ZNF837: variants seen among roughly 807,000 people sequenced by gnomAD.
ZNF837 encodes the protein zinc finger protein 837.
For synonymous variants in ZNF837, 475 were observed against 365.2 expected, an observed-to-expected ratio of 1.30 and a Z score of -3.43; for missense variants, 955 against 801.7, an observed-to-expected ratio of 1.19 and a Z score of -2.31.
intron 1 of ZNF837, among the ~76,000 whole-genome samples, chr19:58,370,359 G>A (rs2052188703): frequency 6.6e-6 from 1 of 152,080 alleles, no homozygotes; most frequent in South Asian, 2.1e-4. Context: ...TGACCCTTCT[G>A]CCTCTTGTGA....
In ZNF837 at chr19:58,369,062, G is replaced by T; in HGVS notation, c.271C>A (p.Pro91Thr). The T allele has an allele frequency of 6.6e-7, 1 of 1,519,370 alleles. No individual in the cohort carries two copies. 94.1% of individuals were successfully genotyped at this position (1,519,370 alleles called of 1,614,324 possible). ...TTCTGAGAAGAGGTGGGGCCGCACGGCTCCCGCACGAGGGGTCTGGTCCCG... is the reference window on the plus strand; with the variant it reads ...TTCTGAGAAGAGGTGGGGCCGCACGTCTCCCGCACGAGGGGTCTGGTCCCG... ...SAGTRPLVRE[P>T]CGPTSSQNPE... The change falls in exon 3 of 3, where the codon CCG (proline) becomes ACG (threonine). Residue 91 changes from proline (P) to threonine (T), a missense_variant. Transcript: ENST00000597582.
intron 1 of ZNF837, among the ~76,000 whole-genome samples, chr19:58,380,580 G>C (rs913136239): frequency 6.6e-6 from 1 of 152,276 alleles, no homozygotes. Context: ...GGATGCGGGG[G>C]CAGAGACGGT....
chr19:58,369,039 C>T lies in ZNF837; in HGVS notation c.294G>A (p.Gln98=). 6.6e-7 allele frequency: 1 copy of T among 1,514,660 alleles called. No individual in the cohort carries two copies. The highest frequency in any genetic ancestry group is 8.8e-7 in the Non-Finnish European group (1 of 1,130,128). 93.8% of individuals were successfully genotyped at this position (1,514,660 alleles called of 1,614,324 possible). The change falls in exon 3 of 3, where the codon CAG becomes CAA. Residue 98 remains glutamine, a synonymous_variant. Transcript: ENST00000597582. ...VREPCGPTSS[Q]NPELVIPEGL... ...CCTCGGGGATAACCAGCTCAGGGTT[C>T]TGAGAAGAGGTGGGGCCGCACGGCT...
rs910385882 is a variant in ZNF837, at chr19:58,367,755, C to G, written c.1578G>C (p.Gly526=). Residue 526 remains glycine (G), a synonymous_variant, in exon 3 of 3, where the codon GGG becomes GGC. Transcript: ENST00000597582. The stretch of plus-strand genomic sequence containing the variant: ...CCTGCAGTCAAGGCGCGGCGCGGCC[C>G]CCGTGCCGCTTCCGGTGCTCGTTGA... ...SNLNEHRKRH[G]GRAAP is the part of the protein sequence containing the mutation. 7 of 1,532,486 alleles carry G rather than the reference C, an allele frequency of 4.6e-6. No individual in the cohort carries two copies. The highest frequency in any genetic ancestry group is 6.1e-6 in the Non-Finnish European group (7 of 1,144,698). The allele number at this position is 1,532,486 out of a possible 1,614,324, so 94.9% of individuals were successfully genotyped here. A position where few individuals can be genotyped will look rare whatever the true frequency, so the allele number is the denominator to read the frequency against.
chr19:58,377,944 G>A (rs537704015), intron 1 of ZNF837, among the ~76,000 whole-genome samples: 1 of 152,182 alleles, frequency 6.6e-6, no homozygotes, highest in African/African-American at 2.4e-5. Context: ...TCTGCTGGCC[G>A]TGGACCTGGC....
At position 58,368,421 on chromosome 19, in the gene ZNF837, G is replaced by T. The variant is rs751019068; in HGVS notation, c.912C>A (p.Cys304Ter). 1.9e-6 allele frequency: 3 copies of T among 1,550,738 alleles called. No homozygotes were observed. Among genetic ancestry groups the T allele is most frequent in the African/African-American group, 1.4e-5 (1 of 73,042 alleles). ...TGERPYECAE[C>*]GKAFVRCSGL... ...CGGAGCAGCGCACGAAGGCCTTGCC[G>T]CACTCGGCGCACTCGTAGGGCCGCT... The change falls in exon 3 of 3, where the codon TGC becomes TGA. Residue 304 changes from cysteine (C) to a stop codon, truncating the protein, a stop_gained. Coordinates refer to ENST00000597582, the MANE Select transcript of ZNF837 (RefSeq NM_138466.2). LOFTEE classifies it low-confidence loss of function (END_TRUNC).
At chr19:58,379,781 A>G (rs1295321944) in intron 1 of ZNF837, among the ~76,000 whole-genome samples, 1 of 152,204 alleles carries the variant, frequency 6.6e-6, no homozygotes, top group African/African-American at 2.4e-5. Context: ...GTGAGGTTCA[A>G]CATCCTCATG....
intron 1 of ZNF837, among the ~76,000 whole-genome samples, chr19:58,379,492 G>C (rs1230885345): frequency 6.6e-6 from 1 of 152,204 alleles, no homozygotes; most frequent in Non-Finnish European, 1.5e-5. Flanking sequence ...ATCTGAGGCT[G>C]AGCACAGCAA....
intron 1 of ZNF837, among the ~76,000 whole-genome samples, chr19:58,380,443 G>A (rs1267625153): frequency 6.6e-6 from 1 of 152,256 alleles, no homozygotes; most frequent in African/African-American, 2.4e-5. Context: ...AGAAAAAGAC[G>A]TGAAGAACAT....
chr19:58,368,176 G>T lies in ZNF837; in HGVS notation c.1157C>A (p.Thr386Asn). Residue 386 changes from threonine (T) to asparagine (N), a missense_variant, in exon 3 of 3, where the codon ACC (threonine) becomes AAC (asparagine). Thr to Asn is a moderately conservative substitution (Grantham distance 65, BLOSUM62 0). Transcript: ENST00000597582. ...GGGGCACGCGTAGGGCTTCTCGCCG[G>T]TGTGCACGCGCCGGTGCTCCACGAG... ...SHLVEHRRVH[T>N]GEKPYACPEC... 6.3e-7 allele frequency: 1 copy of T among 1,584,354 alleles called. No individual in the cohort carries two copies. Among genetic ancestry groups the T allele is most frequent in the Non-Finnish European group, 8.6e-7 (1 of 1,167,244 alleles).
At chr19:58,369,387 G>A in intron 2 of ZNF837, 26 bp from the exon 3 acceptor site, 2 of 1,319,158 alleles carry the variant, frequency 1.5e-6, no homozygotes, top group Non-Finnish European at 9.6e-7. Context: ...AGAAATGGAG[G>A]TTGGCGGTTC....
intron 1 of ZNF837, among the ~76,000 whole-genome samples, chr19:58,377,506 G>A (rs2052259096): frequency 6.6e-6 from 1 of 152,034 alleles, no homozygotes; most frequent in South Asian, 2.1e-4. Flanking sequence ...AGGTGTGGTG[G>A]TGCAAGCCTG....
rs2052275921 is a variant in ZNF837 at position 58,379,872 on chromosome 19, G to A, written c.-140+1069C>T. ...TCGCCAGGCACGGTGGTGCATGCCTGTAATCCCAGCTACTCGGGAGGCTGA... is the reference window on the plus strand; with the variant it reads ...TCGCCAGGCACGGTGGTGCATGCCTATAATCCCAGCTACTCGGGAGGCTGA... On this transcript the variant is annotated intron_variant, in intron 1 of 2. Transcript: ENST00000597582. Among the ~76,000 whole-genome samples the A allele has an allele frequency of 2.6e-5, 4 of 152,164 alleles. No individual in the cohort carries two copies. In the South Asian group the frequency reaches 8.3e-4, roughly 32 times the overall value.
In ZNF837 at chr19:58,367,858, C is replaced by T. The variant is rs747002607; in HGVS notation, c.1475G>A (p.Arg492His). 16 of 1,533,704 alleles carry T rather than the reference C, an allele frequency of 1.0e-5. No individual in the cohort carries two copies. In the African/African-American group the frequency reaches 1.7e-4, roughly 16 times the overall value. Reference protein sequence around the residue: ...KAFVRNCSLVRHLRTHTGERP... With the variant: ...KAFVRNCSLVHHLRTHTGERP... The stretch of plus-strand genomic sequence containing the variant: ...CTCGCCCGTGTGCGTGCGCAGGTGG[C>T]GCACCAGGCTGCAGTTGCGCACGAA... The change falls in exon 3 of 3, where the codon CGC becomes CAC. Residue 492 changes from arginine to histidine, a missense_variant. Transcript: ENST00000597582.
rs768406031 is a variant in ZNF837, at chr19:58,374,844, A to G, written c.-139-4916T>C. 3.3e-5 allele frequency among the ~76,000 whole-genome samples: 5 copies of G among 150,214 alleles called. No individual in the cohort carries two copies. In the South Asian group the frequency reaches 8.5e-4, roughly 25 times the overall value. ...AGCTACTTGGGAGACTGAGGCAGAG[A>G]ATCACTGGAACCTGGGAGGTGGAGG... On this transcript the variant is annotated intron_variant, in intron 1 of 2. Coordinates refer to ENST00000597582, the MANE Select transcript of ZNF837 (RefSeq NM_138466.2).
Position 58,369,151 on chromosome 19 carries a change from G to T in ZNF837, c.182C>A (p.Pro61Gln). The T allele has an allele frequency of 6.9e-7, 1 of 1,454,706 alleles. No individual in the cohort carries two copies. Among genetic ancestry groups the T allele is most frequent in the Non-Finnish European group, 9.1e-7 (1 of 1,104,886 alleles). The allele number at this position is 1,454,706 out of a possible 1,614,324, so 90.1% of individuals were successfully genotyped here. A position where few individuals can be genotyped will look rare whatever the true frequency, so the allele number is the denominator to read the frequency against. Residue 61 changes from proline (P) to glutamine (Q), a missense_variant, in exon 3 of 3, where the codon CCA (proline) becomes CAA (glutamine). By Grantham distance (76) the Pro-to-Gln change is moderately conservative (BLOSUM62 -1). Coordinates refer to ENST00000597582, the MANE Select transcript of ZNF837 (RefSeq NM_138466.2). ...RGAAGGRTTP[P>Q]GGGSRGCSLG... ...GCTGCAGCCCCGGGAGCCCCCGCCT[G>T]GGGGAGTCGTCCTACCGCCCGCCGC...
rs148943528 is a variant in ZNF837 at position 58,370,662 on chromosome 19, G to A, written c.-139-734C>T. 6.2e-4 allele frequency among the ~76,000 whole-genome samples: 91 copies of A among 147,520 alleles called. 1 individual carries two copies. In the East Asian group the frequency reaches 0.018, roughly 29 times the overall value. ...TGTAATCCCAGCACTTTGGGAGGCC[G>A]AGGCAGATGGATCACCTGAGGTCAG... On this transcript the variant is annotated intron_variant, in intron 1 of 2. Transcript: ENST00000597582.
Position 58,369,042 on chromosome 19 carries a change from A to C in ZNF837, c.291T>G (p.Ser97=). 1 of 1,514,942 alleles carries C rather than the reference A, an allele frequency of 6.6e-7. No individual in the cohort carries two copies. 93.8% of individuals were successfully genotyped at this position (1,514,942 alleles called of 1,614,324 possible). A position where few individuals can be genotyped will look rare whatever the true frequency, so the allele number is the denominator to read the frequency against. The change falls in exon 3 of 3, where the codon TCT becomes TCG. Residue 97 remains serine, a synonymous_variant. Coordinates refer to ENST00000597582, the MANE Select transcript of ZNF837 (RefSeq NM_138466.2). The part of the protein sequence containing the change: ...LVREPCGPTS[S]QNPELVIPEG... ...CGGGGATAACCAGCTCAGGGTTCTG[A>C]GAAGAGGTGGGGCCGCACGGCTCCC... is the stretch of plus-strand genomic sequence containing the variant.
intron 1 of ZNF837, among the ~76,000 whole-genome samples, chr19:58,373,387 C>A (rs1012794763): frequency 6.6e-6 from 1 of 152,238 alleles, no homozygotes; most frequent in Admixed American, 6.5e-5. Flanking sequence ...AGTACGAGGA[C>A]ATCTGGGTGG....
Sources: allele counts gnomAD v4.1 joint callset (sites outside exome capture counted in the v4.1 genomes callset), GRCh38; gene constraint gnomAD v4.1.1; transcripts MANE v1.5; gene names NCBI Gene and HGNC (gene_info 2026-07-23, HGNC 2026-07-21).